Variants in ZEB2 observed in about 807,000 individuals in gnomAD.
ZEB2 encodes zinc finger E-box binding homeobox 2.
Under a neutral mutation model 99.9 loss-of-function variants are expected in ZEB2, and 6 were observed. That is an observed-to-expected ratio of 0.06 (90% CI 0.03 to 0.12). The LOEUF (loss-of-function observed/expected upper bound fraction) is 0.12. Ranked by LOEUF, ZEB2 falls within the 10% of genes least tolerant of loss-of-function variation. The pLI is 1.00. For missense variants in ZEB2, 969 were observed against 1,502.8 expected (o/e 0.64, Z 5.87); for synonymous variants, 517 against 542.5 (o/e 0.95, Z 0.65).
At chr2:144,474,228 T>C (rs924537000) in intron 2 of ZEB2, among the ~76,000 whole-genome samples, 1 of 152,324 alleles carries the variant, frequency 6.6e-6, no homozygotes, top group South Asian at 2.1e-4. Context: ...TAGTAACACA[T>C]TGCAGACATT....
At chr2:144,421,236 C>G (rs1275367000) in intron 4 of ZEB2, among the ~76,000 whole-genome samples, 1 of 152,162 alleles carries the variant, frequency 6.6e-6, no homozygotes, top group Non-Finnish European at 1.5e-5. Flanking sequence ...TAAAGCAGCC[C>G]AAACCCCACA....
At chr2:144,411,526 C>A (rs943350569) in intron 4 of ZEB2, among the ~76,000 whole-genome samples, 2 of 152,150 alleles carry the variant, frequency 1.3e-5, no homozygotes, top group Non-Finnish European at 1.5e-5. Context: ...CATATTGGCA[C>A]TAGTTACCTA....
intron 2 of ZEB2, among the ~76,000 whole-genome samples, chr2:144,481,867 C>T (rs1357372923): frequency 6.6e-6 from 1 of 152,142 alleles, no homozygotes; most frequent in Admixed American, 6.5e-5. Flanking sequence ...GACAGATAAC[C>T]ATCAAGTTTA....
intron 2 of ZEB2, chr2:144,512,346 A>T (rs1705054587): frequency 7.8e-7 from 1 of 1,287,134 alleles, no homozygotes; most frequent in Non-Finnish European, 1.0e-6. Context: ...AGAATCTCCC[A>T]CATCTTAGAA....
chr2:144,429,587 G>T, intron 3 of ZEB2, 182 bp downstream of exon 3: 2 of 926,992 alleles, frequency 2.2e-6, no homozygotes, highest in Non-Finnish European at 3.2e-6. Flanking sequence ...TGTAACTGCC[G>T]CAATGTGATA....
chr2:144,508,631 T>C (rs1447182151), intron 2 of ZEB2, among the ~76,000 whole-genome samples: 1 of 151,788 alleles, frequency 6.6e-6, no homozygotes, highest in Non-Finnish European at 1.5e-5. Flanking sequence ...TCTGCTTGCT[T>C]TGGAAAGTCT....
intron 4 of ZEB2, among the ~76,000 whole-genome samples, chr2:144,423,788 G>T (rs1187787246): frequency 6.6e-6 from 1 of 152,134 alleles, no homozygotes; most frequent in Non-Finnish European, 1.5e-5. Context: ...ATTTTAAACA[G>T]AAACACAACA....
chr2:144,396,784 A>G (rs921727713), intron 8 of ZEB2, among the ~76,000 whole-genome samples, 192 bp from the exon 9 acceptor site: 6 of 152,230 alleles, frequency 3.9e-5, no homozygotes, highest in African/African-American at 1.2e-4. Flanking sequence ...CAACAAAAAT[A>G]TAAACTTCTC....
intron 2 of ZEB2, among the ~76,000 whole-genome samples, chr2:144,508,749 T>TCA (rs1704986684): frequency 6.6e-6 from 1 of 151,952 alleles, no homozygotes; most frequent in Non-Finnish European, 1.5e-5. Flanking sequence ...AAGGCTGAGA[T>TCA]CATATCACTG....
chr2:144,400,685 G>A (rs376596746), intron 7 of ZEB2, among the ~76,000 whole-genome samples: 4 of 152,306 alleles, frequency 2.6e-5, no homozygotes, highest in African/African-American at 9.6e-5. Flanking sequence ...CCTTTGAATA[G>A]CATCCAACTT....
chr2:144,489,650 A>G (rs1704648435), intron 2 of ZEB2, among the ~76,000 whole-genome samples: 1 of 152,244 alleles, frequency 6.6e-6, no homozygotes. Context: ...ATTATGTTCT[A>G]GTAGGGTAGC....
At chr2:144,468,490 A>C (rs150036407) in intron 2 of ZEB2, among the ~76,000 whole-genome samples, 42 of 152,292 alleles carry the variant, frequency 2.8e-4, no homozygotes, top group African/African-American at 9.1e-4. Context: ...CTGAGGTCTC[A>C]TGATAGACAA....
At position 144,397,825 on chromosome 2, in the gene ZEB2, C is replaced by T. The variant is rs117957946; in HGVS notation, c.2886+476G>A. 558 of 275,936 alleles carry T rather than the reference C, an allele frequency of 2.0e-3. 2 individuals are homozygous for T. Among genetic ancestry groups the T allele is most frequent in the East Asian group, 0.016 (141 of 8,890 alleles). The allele number at this position is 275,936 out of a possible 1,614,324, so 17.1% of individuals were successfully genotyped here. Reference sequence around the variant, plus strand: ...CCAGCTAATTTTTGTATTTTTAGGACAGATGGTGTTTTACCATGTTGGCCA... The same window carrying T: ...CCAGCTAATTTTTGTATTTTTAGGATAGATGGTGTTTTACCATGTTGGCCA... On this transcript the variant is annotated intron_variant, in intron 8 of 9. Coordinates refer to ENST00000627532, the MANE Select transcript of ZEB2 (RefSeq NM_014795.4).
intron 2 of ZEB2, among the ~76,000 whole-genome samples, chr2:144,469,122 C>T (rs1704317873): frequency 6.6e-6 from 1 of 152,054 alleles, no homozygotes; most frequent in Admixed American, 6.6e-5. Flanking sequence ...TTGTCAAATA[C>T]AATAAATGAA....
chr2:144,445,976 G>T (rs1703977766), intron 2 of ZEB2, among the ~76,000 whole-genome samples: 1 of 152,120 alleles, frequency 6.6e-6, no homozygotes, highest in Admixed American at 6.6e-5. Flanking sequence ...AGTCGCATTT[G>T]TTGCATCAGC....
At chr2:144,407,553 A>C (rs1159675667) in intron 4 of ZEB2, among the ~76,000 whole-genome samples, 1 of 152,228 alleles carries the variant, frequency 6.6e-6, no homozygotes, top group Admixed American at 6.5e-5. Flanking sequence ...AAATAACATC[A>C]GATCTATCAA....
At chr2:144,436,189 C>T (rs1413735378) in intron 2 of ZEB2, among the ~76,000 whole-genome samples, 2 of 151,978 alleles carry the variant, frequency 1.3e-5, no homozygotes, top group East Asian at 3.9e-4. Context: ...GAATTAATGC[C>T]AGTTAGAAGG....
chr2:144,513,261 AC>A (rs1705072004), intron 2 of ZEB2: 2 of 1,288,398 alleles, frequency 1.6e-6, no homozygotes, highest in Non-Finnish European at 2.0e-6. Flanking sequence ...CTTATTTTAA[AC>A]AGGGATAACC....
chr2:144,406,166 A>ATT (rs879748649), intron 4 of ZEB2, among the ~76,000 whole-genome samples: 3 of 146,802 alleles, frequency 2.0e-5, no homozygotes, highest in Non-Finnish European at 3.0e-5. Flanking sequence ...AAGCTAGGCA[A>ATT]TTTTTTTTTT....
Sources: gnomAD v4.1 joint callset for allele counts (sites outside exome capture counted in the v4.1 genomes callset) on GRCh38, gnomAD v4.1.1 for gene constraint, MANE v1.5 for transcripts, NCBI Gene and HGNC (gene_info 2026-07-23, HGNC 2026-07-21) for gene names.